DBNDD1: variants seen among roughly 807,000 people sequenced by gnomAD.
DBNDD1 encodes dysbindin domain containing 1.
A neutral mutation model predicts 17.0 loss-of-function variants in DBNDD1; 14 were observed. The observed-to-expected ratio is 0.82, with a 90% CI of 0.54 to 1.29. DBNDD1 has a LOEUF of 1.29. Among genes scored for constraint, DBNDD1 ranks in the 50% most tolerant of loss-of-function variants. The pLI is 0.00. For missense variants in DBNDD1, 221 were observed against 216.2 expected, an observed-to-expected ratio of 1.02 and a Z score of -0.14; for synonymous variants, 105 against 102.0, an observed-to-expected ratio of 1.03 and a Z score of -0.18.
intron 3 of DBNDD1, 109 bp downstream of exon 3, chr16:90,008,675 C>T (rs537142269): frequency 1.1e-6 from 1 of 883,830 alleles, no homozygotes; most frequent in East Asian, 2.6e-5. Context: ...AACACACCTC[C>T]CAGGACGTCC....
intron 1 of DBNDD1, among the ~76,000 whole-genome samples, chr16:90,018,563 A>G (rs1159586013): frequency 6.6e-6 from 1 of 152,204 alleles, no homozygotes; most frequent in Non-Finnish European, 1.5e-5. Flanking sequence ...TTTGCATCCA[A>G]GTTCCTACCT....
rs147195300 is a variant in DBNDD1, at chr16:90,018,711, C to G, written c.31+600G>C. 6.9e-3 allele frequency among the ~76,000 whole-genome samples: 1,045 copies of G among 152,338 alleles called. 11 individuals carry two copies. The highest frequency in any genetic ancestry group is 0.024 in the African/African-American group (979 of 41,574). ...CCATCAGGGCAGGGAGCGCTCCACGCGCACCTACCCTCCCCGATGAGCGTG... is the reference window on the plus strand; with the variant it reads ...CCATCAGGGCAGGGAGCGCTCCACGGGCACCTACCCTCCCCGATGAGCGTG... On this transcript the variant is annotated intron_variant, in intron 1 of 3. Transcript: ENST00000002501.
intron 1 of DBNDD1, among the ~76,000 whole-genome samples, chr16:90,013,545 G>C (rs1234357157): frequency 6.6e-6 from 1 of 152,172 alleles, no homozygotes; most frequent in Non-Finnish European, 1.5e-5. Flanking sequence ...AGGGATCCCG[G>C]TTCAGGGCCC....
At chr16:90,006,568 G>A (rs1422338290) in intron 3 of DBNDD1, 76 bp from the exon 4 acceptor site, 6 of 1,516,212 alleles carry the variant, frequency 4.0e-6, no homozygotes, top group African/African-American at 2.7e-5. Flanking sequence ...AGGTGCCGCC[G>A]GCCTCCTGCG....
Position 90,012,762 on chromosome 16 carries a change from C to T in DBNDD1, c.32-3332G>A, listed in dbSNP as rs949958913. 5.3e-5 allele frequency among the ~76,000 whole-genome samples: 8 copies of T among 150,472 alleles called. No homozygotes were observed. The East Asian group carries it at 1.2e-3, about 22-fold the overall frequency. On this transcript the variant is annotated intron_variant, in intron 1 of 3. Transcript: ENST00000002501. ...GCATGAGCCACCGCACCTGGCCTCT[C>T]TCTCTCAAGAGACAAGGTCTCACTG...
chr16:90,019,198 A>G lies in DBNDD1; in HGVS notation c.31+113T>C. On this transcript the variant is annotated intron_variant, in intron 1 of 3. Transcript: ENST00000002501. The surrounding 1 kb of genome is among the most constrained non-coding windows in gnomAD (Gnocchi z 6.1). ...CCCGCCGGACGACCCCGAGCTGCCA[A>G]AGGGGTCTTCGCGACTCCCGGGAGC... 2.1e-6 allele frequency: 1 copy of G among 471,194 alleles called. No homozygotes were observed. The highest frequency in any genetic ancestry group is 3.3e-6 in the Non-Finnish European group (1 of 305,918). 29.2% of individuals were successfully genotyped at this position (471,194 alleles called of 1,614,324 possible). A position where few individuals can be genotyped will look rare whatever the true frequency, so the allele number is the denominator to read the frequency against.
chr16:90,006,786 G>C (rs2035436342), intron 3 of DBNDD1: 1 of 374,994 alleles, frequency 2.7e-6, no homozygotes, highest in African/African-American at 2.0e-5. Context: ...AGTGACCCTG[G>C]TGGGGCCTCC....
chr16:90,009,256 C>T (rs201676695), intron 2 of DBNDD1, 28 bp downstream of exon 2: 18 of 1,610,568 alleles, frequency 1.1e-5, no homozygotes, highest in East Asian at 4.5e-5. Context: ...GTCCCCATAG[C>T]GTGCGCTGGG....
intron 1 of DBNDD1, among the ~76,000 whole-genome samples, chr16:90,013,404 G>C (rs1363066893): frequency 2.0e-5 from 3 of 152,048 alleles, no homozygotes; most frequent in African/African-American, 7.2e-5. Flanking sequence ...TACTTGAGAG[G>C]AGGAAGCTGA....
At chr16:90,016,224 C>A (rs907543150) in intron 1 of DBNDD1, among the ~76,000 whole-genome samples, 1 of 152,144 alleles carries the variant, frequency 6.6e-6, no homozygotes, top group Non-Finnish European at 1.5e-5. Context: ...TGGGACCTAG[C>A]GCACAGTAGG....
intron 1 of DBNDD1, chr16:90,010,080 C>G (rs1182349798): frequency 3.7e-6 from 6 of 1,608,278 alleles, no homozygotes; most frequent in Non-Finnish European, 5.1e-6. Context: ...GAGTCTCGCT[C>G]TGTCACCCAG....
At chr16:90,014,100 G>A (rs1194241561) in intron 1 of DBNDD1, among the ~76,000 whole-genome samples, 3 of 152,002 alleles carry the variant, frequency 2.0e-5, no homozygotes, top group Non-Finnish European at 2.9e-5. Flanking sequence ...GAGTGGGACA[G>A]CATCTACCTG....
Position 90,010,072 on chromosome 16 carries a change from G to A in DBNDD1, c.32-642C>T, listed in dbSNP as rs749151219. The stretch of plus-strand genomic sequence containing the variant: ...TGTTTATTTATTTTTTTTAGATGGA[G>A]TCTCGCTCTGTCACCCAGGCTGGAG... On this transcript the variant is annotated intron_variant, in intron 1 of 3. Transcript: ENST00000002501. The A allele has an allele frequency of 1.4e-5, 22 of 1,609,836 alleles. No individual in the cohort carries two copies. The African/African-American group carries it at 2.7e-4, about 20-fold the overall frequency.
intron 3 of DBNDD1, chr16:90,007,628 G>C (rs995796061): frequency 6.6e-6 from 1 of 152,356 alleles, no homozygotes; most frequent in Non-Finnish European, 1.5e-5. Flanking sequence ...TAAGTGAGCT[G>C]AGGAGGGGCC....
rs377247525 is a variant in DBNDD1, at chr16:90,007,991, G to T, written c.319+793C>A. ...ACCCCCCAAACACACCTCCCAGGAC[G>T]TCCCAAGGGGCCTCACCCCCCAAAC... On this transcript the variant is annotated intron_variant, in intron 3 of 3. Transcript: ENST00000002501. Among the ~76,000 whole-genome samples the T allele has an allele frequency of 2.0e-3, 261 of 132,532 alleles. 9 individuals carry two copies. The highest frequency in any genetic ancestry group is 7.8e-3 in the East Asian group (31 of 3,986). The allele number at this position is 132,532 out of a possible 152,430, so 86.9% of individuals were successfully genotyped here. A position where few individuals can be genotyped will look rare whatever the true frequency, so the allele number is the denominator to read the frequency against.
At chr16:90,010,089 A>T in intron 1 of DBNDD1, 1 of 1,596,784 alleles carries the variant, frequency 6.3e-7, no homozygotes, top group African/African-American at 1.3e-5. Context: ...TCTGTCACCC[A>T]GGCTGGAGTG....
chr16:90,017,845 C>T (rs1342620104), intron 1 of DBNDD1, among the ~76,000 whole-genome samples: 1 of 152,186 alleles, frequency 6.6e-6, no homozygotes, highest in Non-Finnish European at 1.5e-5. Context: ...TAACTCCCCA[C>T]CCCAGGCAGG....
chr16:90,006,297 A>G lies in DBNDD1; in HGVS notation c.*38T>C, dbSNP rs1198218810. 1 of 1,578,076 alleles carries G rather than the reference A, an allele frequency of 6.3e-7. No homozygotes were observed. The highest frequency in any genetic ancestry group is 2.3e-5 in the East Asian group (1 of 43,832). On this transcript the variant is annotated 3_prime_UTR_variant, in exon 4 of 4. Coordinates refer to ENST00000002501, the MANE Select transcript of DBNDD1 (RefSeq NM_001042610.3). ...TGCCCAGATCTGCCATCGTGTTCGG[A>G]CCCCATCCCTGCAGGAGCTGGGGCA...
chr16:90,008,866 C>A lies in DBNDD1; in HGVS notation c.237G>T (p.Glu79Asp). 6.2e-7 allele frequency: 1 copy of A among 1,600,674 alleles called. No homozygotes were observed. The highest frequency in any genetic ancestry group is 1.1e-5 in the South Asian group (1 of 89,538). ...EVHFDLLDLT[E>D]LTDMSDQELA... ...GCTCCTGGTCCGACATGTCGGTGAG[C>A]TCAGTGAGGTCCAGGAGGTCGAAGT... Residue 79 changes from glutamate (E) to aspartate (D), a missense_variant, in exon 3 of 4, where the codon GAG becomes GAT. Coordinates refer to ENST00000002501, the MANE Select transcript of DBNDD1 (RefSeq NM_001042610.3).
Sources: gnomAD v4.1 joint callset for allele counts (sites outside exome capture counted in the v4.1 genomes callset) on GRCh38, gnomAD v4.1.1 for gene constraint, Gnocchi (gnomAD v3.1) non-coding constraint, MANE v1.5 for transcripts, NCBI Gene and HGNC (gene_info 2026-07-23, HGNC 2026-07-21) for gene names.